Variants in ARHGEF28 observed in about 807,000 individuals in gnomAD.
The protein encoded by ARHGEF28 is Rho guanine nucleotide exchange factor 28, also known as 190 kDa guanine nucleotide exchange factor.
In ARHGEF28, 152 loss-of-function variants were observed where a neutral mutation model predicts 206.6. The observed-to-expected ratio is 0.74, with a 90% CI of 0.64 to 0.84. ARHGEF28 has a LOEUF of 0.84. ARHGEF28 is among the 40% of genes least tolerant of loss of function. ARHGEF28 has a pLI of 0.00. For synonymous variants in ARHGEF28, 763 were observed against 776.4 expected (o/e 0.98, Z 0.29); for missense variants, 2,028 against 2,073.2 (o/e 0.98, Z 0.42).
chr5:73,890,722 C>G (rs1761572319), intron 26 of ARHGEF28, among the ~76,000 whole-genome samples: 1 of 152,184 alleles, frequency 6.6e-6, no homozygotes, highest in Admixed American at 6.5e-5. Context: ...AGTGAGGGAA[C>G]AGTGGCATGT....
intron 1 of ARHGEF28, among the ~76,000 whole-genome samples, chr5:73,670,037 G>T (rs948707541): frequency 2.0e-5 from 3 of 152,094 alleles, no homozygotes; most frequent in African/African-American, 7.2e-5. Context: ...ATAACATTTT[G>T]TCATTTGTGT....
intron 10 of ARHGEF28, among the ~76,000 whole-genome samples, chr5:73,836,995 C>G (rs906585639): frequency 6.6e-6 from 1 of 151,990 alleles, no homozygotes; most frequent in Non-Finnish European, 1.5e-5. Context: ...TATTTCTGGA[C>G]TTTCTATTCT....
At chr5:73,856,473 AT>A (rs916844622) in intron 14 of ARHGEF28, among the ~76,000 whole-genome samples, 14 of 150,066 alleles carry the variant, frequency 9.3e-5, no homozygotes, top group East Asian at 1.9e-4. Context: ...TAAGCCATGT[AT>A]TTTTTTTTTC....
chr5:73,901,123 G>T, intron 30 of ARHGEF28, 61 bp from the exon 31 acceptor site: 1 of 1,387,084 alleles, frequency 7.2e-7, no homozygotes, highest in East Asian at 2.4e-5. Flanking sequence ...AGAAGAACCC[G>T]GTGGGCTGGC....
At chr5:73,842,306 C>T (rs192716094) in intron 11 of ARHGEF28, among the ~76,000 whole-genome samples, 227 of 152,224 alleles carry the variant, frequency 1.5e-3, no homozygotes, top group African/African-American at 5.2e-3. Context: ...TGTGAATGAA[C>T]ATGCACATAG....
chr5:73,919,417 G>T (rs1580103408), intron 35 of ARHGEF28, among the ~76,000 whole-genome samples: 1 of 152,264 alleles, frequency 6.6e-6, no homozygotes, highest in African/African-American at 2.4e-5. Context: ...ACAGCGTTTT[G>T]CTTCTTCCTT....
chr5:73,939,786 C>T (rs1742481834), intron 35 of ARHGEF28, among the ~76,000 whole-genome samples: 1 of 152,236 alleles, frequency 6.6e-6, no homozygotes. Context: ...GCATTTGTGT[C>T]ATTGGAATGT....
intron 1 of ARHGEF28, among the ~76,000 whole-genome samples, chr5:73,666,489 T>G (rs1427707837): frequency 1.3e-5 from 2 of 152,208 alleles, no homozygotes; most frequent in East Asian, 3.9e-4. Flanking sequence ...AGTCTCTGTG[T>G]TGGTCCCCAG....
At chr5:73,786,905 C>A (rs1754195490) in intron 7 of ARHGEF28, among the ~76,000 whole-genome samples, 1 of 152,176 alleles carries the variant, frequency 6.6e-6, no homozygotes, top group Non-Finnish European at 1.5e-5. Context: ...TAGAAGTGAG[C>A]AGATTTTTGC....
intron 1 of ARHGEF28, among the ~76,000 whole-genome samples, chr5:73,638,828 G>A (rs1743882855): frequency 1.3e-5 from 2 of 152,230 alleles, no homozygotes; most frequent in African/African-American, 2.4e-5. Context: ...AGTGTATCAC[G>A]TCTCAATAAT....
At chr5:73,736,711 T>C (rs1055427497) in intron 2 of ARHGEF28, among the ~76,000 whole-genome samples, 1 of 152,180 alleles carries the variant, frequency 6.6e-6, no homozygotes, top group African/African-American at 2.4e-5. Flanking sequence ...TGATGTCCCT[T>C]TATAACTGAG....
In ARHGEF28 at chr5:73,757,794, A is replaced by T. The variant is rs192541508; in HGVS notation, c.475+4592A>T. Among the ~76,000 whole-genome samples the T allele has an allele frequency of 1.3e-3, 194 of 152,374 alleles. 1 individual carries two copies. Among genetic ancestry groups the T allele is most frequent in the African/African-American group, 4.5e-3 (186 of 41,592 alleles). On this transcript the variant is annotated intron_variant, in intron 4 of 35. Transcript: ENST00000513042. ...TAGCATTCATAATAGTGCCTTGTGC[A>T]GGGTCTCAGAAGCCCAAATTTGGAG...
intron 25 of ARHGEF28, 47 bp from the exon 26 acceptor site, chr5:73,887,556 G>T: frequency 7.2e-7 from 1 of 1,385,502 alleles, no homozygotes; most frequent in South Asian, 1.3e-5. Context: ...CAGTTTATTT[G>T]AACTGTGGTT....
intron 7 of ARHGEF28, among the ~76,000 whole-genome samples, chr5:73,790,256 C>T (rs1754399341): frequency 1.3e-5 from 2 of 151,098 alleles, no homozygotes; most frequent in South Asian, 2.1e-4. Context: ...AGAATTGGAT[C>T]ATATGTTAAC....
chr5:73,805,950 A>C (rs1755410141), intron 9 of ARHGEF28, among the ~76,000 whole-genome samples: 1 of 150,326 alleles, frequency 6.7e-6, no homozygotes, highest in African/African-American at 2.4e-5. Context: ...AGTTTATTAA[A>C]CTCTTTGCTC....
chr5:73,666,502 T>G (rs1200654747), intron 1 of ARHGEF28, among the ~76,000 whole-genome samples: 1 of 152,236 alleles, frequency 6.6e-6, no homozygotes, highest in Non-Finnish European at 1.5e-5. Flanking sequence ...GTCCCCAGGC[T>G]GTCCCACGTG....
intron 35 of ARHGEF28, among the ~76,000 whole-genome samples, chr5:73,937,056 A>G (rs769560559): frequency 2.0e-5 from 3 of 152,332 alleles, no homozygotes; most frequent in African/African-American, 7.2e-5. Context: ...AGTGTGAAAA[A>G]TGATAAATGC....
At chr5:73,703,590 C>T (rs571977128) in intron 2 of ARHGEF28, among the ~76,000 whole-genome samples, 1 of 152,222 alleles carries the variant, frequency 6.6e-6, no homozygotes, top group Non-Finnish European at 1.5e-5. Flanking sequence ...TTTCCTCTCT[C>T]TCTTTAATTC....
At chr5:73,844,473 T>G (rs927653947) in intron 11 of ARHGEF28, among the ~76,000 whole-genome samples, 3 of 152,168 alleles carry the variant, frequency 2.0e-5, no homozygotes, top group African/African-American at 7.2e-5. Context: ...AAAACTAATC[T>G]GTGTTTGCAT....
Sources: gnomAD v4.1 joint callset for allele counts (sites outside exome capture counted in the v4.1 genomes callset) on GRCh38, gnomAD v4.1.1 for gene constraint, MANE v1.5 for transcripts, NCBI Gene and HGNC (gene_info 2026-07-23, HGNC 2026-07-21) for gene names.